MICU3: variants seen among roughly 807,000 people sequenced by gnomAD.
MICU3 encodes mitochondrial calcium uptake 3.
A neutral mutation model predicts 66.5 loss-of-function variants in MICU3; 62 were observed. That is an observed-to-expected ratio of 0.93 (90% confidence interval 0.76 to 1.15). The LOEUF (loss-of-function observed/expected upper bound fraction) is 1.15. MICU3 is among the 50% of genes most tolerant of loss of function. The pLI is 0.00. For missense variants in MICU3, 779 were observed against 664.4 expected (o/e 1.17, Z -1.90); for synonymous variants, 308 against 240.7 (o/e 1.28, Z -2.59).
intron 1 of MICU3, among the ~76,000 whole-genome samples, chr8:17,045,264 CTCTT>C (rs1290110300): frequency 6.6e-6 from 1 of 152,156 alleles, no homozygotes; most frequent in Non-Finnish European, 1.5e-5. Context: ...GACTCTCTCT[CTCTT>C]TCTCCTGCCT....
intron 13 of MICU3, among the ~76,000 whole-genome samples, chr8:17,117,562 GA>G (rs1802802999): frequency 6.7e-6 from 1 of 149,716 alleles, no homozygotes; most frequent in African/African-American, 2.5e-5. Context: ...TTAAGAGCTA[GA>G]ATATTCAATC....
intron 1 of MICU3, among the ~76,000 whole-genome samples, chr8:17,047,797 A>G (rs1815342443): frequency 6.6e-6 from 1 of 152,250 alleles, no homozygotes; most frequent in Admixed American, 6.5e-5. Context: ...ATCATCATTG[A>G]AAGAACCACT....
At chr8:17,129,068 T>G in the MICU3 span, among the ~76,000 whole-genome samples, 1 of 152,166 alleles carries the variant, frequency 6.6e-6, no homozygotes, top group African/African-American at 2.4e-5. Context: ...GGTCACAGGT[T>G]AGGGGTAAGG....
the MICU3 span, chr8:17,132,457 T>C: frequency 8.5e-5 from 13 of 152,182 alleles, no homozygotes. Context: ...CTACTACACT[T>C]TTCTATTGCA....
chr8:17,048,847 G>A (rs1347110399), intron 1 of MICU3, among the ~76,000 whole-genome samples: 2 of 152,082 alleles, frequency 1.3e-5, no homozygotes, highest in Admixed American at 1.3e-4. Flanking sequence ...TCAAACTGCT[G>A]GGCTCAAGTG....
rs77143623 is a variant in MICU3 at position 17,067,444 on chromosome 8, T to C, written c.536-2244T>C. On this transcript the variant is annotated intron_variant, in intron 2 of 14. Transcript: ENST00000318063. Reference sequence around the variant, plus strand: ...TCATAGCCATGATTTTTTTTTTTTTTCCCCAAGAGGAGACTCGCTCTGTCA... The same window carrying C: ...TCATAGCCATGATTTTTTTTTTTTTCCCCCAAGAGGAGACTCGCTCTGTCA... Among the ~76,000 whole-genome samples, 569 of 148,606 alleles carry C rather than the reference T, an allele frequency of 3.8e-3. 1 individual carries two copies. Among genetic ancestry groups the C allele is most frequent in the African/African-American group, 0.013 (533 of 39,762 alleles).
At chr8:17,039,879 T>C (rs1162667053) in intron 1 of MICU3, among the ~76,000 whole-genome samples, 1 of 144,406 alleles carries the variant, frequency 6.9e-6, no homozygotes, top group Non-Finnish European at 1.5e-5. Flanking sequence ...CATGAAGGTA[T>C]CCATCATCTT....
intron 3 of MICU3, among the ~76,000 whole-genome samples, chr8:17,077,360 T>C (rs1820528208): frequency 6.6e-6 from 1 of 152,162 alleles, no homozygotes; most frequent in African/African-American, 2.4e-5. Context: ...TCCAAATGTG[T>C]TACAAAGAAG....
At chr8:17,119,556 G>GATAGATAGATAGATAGATAGATAA (rs1554541278) in intron 14 of MICU3, among the ~76,000 whole-genome samples, 227 of 151,088 alleles carry the variant, frequency 1.5e-3, no homozygotes, top group African/African-American at 5.1e-3. Flanking sequence ...TAGATAGATA[G>GATAGATAGATAGATAGATAGATAA]ATAGATAGAT....
chr8:17,086,909 T>C (rs778472385), intron 6 of MICU3, 55 bp from the exon 7 acceptor site: 6 of 1,163,898 alleles, frequency 5.2e-6, no homozygotes, highest in East Asian at 2.4e-5. Flanking sequence ...GAATAGTAGA[T>C]AGGTGCCCAG....
intron 10 of MICU3, 49 bp from the exon 11 acceptor site, chr8:17,105,364 G>A (rs549252696): frequency 6.7e-5 from 77 of 1,154,690 alleles, no homozygotes; most frequent in African/African-American, 2.2e-4. Context: ...CTCCTGTTAC[G>A]ATTACTCTTT....
chr8:17,069,357 A>G (rs563035345), intron 2 of MICU3, among the ~76,000 whole-genome samples: 1 of 152,262 alleles, frequency 6.6e-6, no homozygotes, highest in South Asian at 2.1e-4. Flanking sequence ...TATAAGTATC[A>G]TTATTTGTGC....
chr8:17,098,059 A>G (rs1162745151), intron 8 of MICU3, among the ~76,000 whole-genome samples: 1 of 151,798 alleles, frequency 6.6e-6, no homozygotes, highest in Non-Finnish European at 1.5e-5. Context: ...ATAGCCAGCA[A>G]TAATGTATCT....
intron 11 of MICU3, among the ~76,000 whole-genome samples, chr8:17,108,504 A>T (rs1208097076): frequency 6.6e-6 from 1 of 152,136 alleles, no homozygotes; most frequent in Non-Finnish European, 1.5e-5. Flanking sequence ...GTTTCAGTTC[A>T]TAGGACTTCG....
the MICU3 span, chr8:17,132,172 T>G: frequency 6.6e-6 from 1 of 152,316 alleles, no homozygotes; most frequent in Admixed American, 6.5e-5. Flanking sequence ...CATATAAAAT[T>G]TTTGTTAATA....
intron 6 of MICU3, among the ~76,000 whole-genome samples, chr8:17,086,409 C>G (rs1367319579): frequency 1.3e-5 from 2 of 152,078 alleles, no homozygotes; most frequent in East Asian, 3.9e-4. Flanking sequence ...CAGCCCTTGC[C>G]CACGTGTAGT....
chr8:17,066,981 T>C (rs1031471700), intron 2 of MICU3, among the ~76,000 whole-genome samples: 1 of 152,196 alleles, frequency 6.6e-6, no homozygotes, highest in African/African-American at 2.4e-5. Flanking sequence ...CATAGATATT[T>C]TAAAACCATA....
intron 1 of MICU3, among the ~76,000 whole-genome samples, chr8:17,045,914 C>G (rs186259850): frequency 3.3e-5 from 5 of 152,308 alleles, no homozygotes; most frequent in Admixed American, 6.5e-5. Context: ...CCCCATGATT[C>G]AGTTACCTCC....
chr8:17,074,037 G>C (rs1338558896), intron 3 of MICU3, among the ~76,000 whole-genome samples: 2 of 151,388 alleles, frequency 1.3e-5, no homozygotes, highest in African/African-American at 4.8e-5. Context: ...GTATGGTGGA[G>C]TTTTCTTTTT....
Sources: gnomAD v4.1 joint callset for allele counts (sites outside exome capture counted in the v4.1 genomes callset) on GRCh38, gnomAD v4.1.1 for gene constraint, MANE v1.5 for transcripts, NCBI Gene and HGNC (gene_info 2026-07-23, HGNC 2026-07-21) for gene names.